The following NRXN3 variants were observed in gnomAD, a reference collection of about 807,000 sequenced individuals.
NRXN3 encodes neurexin III.
NRXN3 carries 32 observed loss-of-function variants against 137.6 expected under a neutral mutation model. The observed-to-expected ratio is 0.23, with a 90% CI of 0.18 to 0.31. NRXN3 has a LOEUF of 0.31. NRXN3 is among the 10% of genes least tolerant of loss of function. The pLI is 1.00. For missense variants in NRXN3, 1,574 were observed against 2,062.5 expected (o/e 0.76, Z 4.59); for synonymous variants, 798 against 784.5 (o/e 1.02, Z -0.29).
chr14:78,894,432 A>G (rs1006569310), intron 10 of NRXN3, among the ~76,000 whole-genome samples: 2 of 151,936 alleles, frequency 1.3e-5, no homozygotes, highest in African/African-American at 4.8e-5. Context: ...TTATCATGAG[A>G]TGGCAGCAAT....
intron 20 of NRXN3, among the ~76,000 whole-genome samples, chr14:79,808,203 C>G (rs2099216512): frequency 6.8e-6 from 1 of 148,098 alleles, no homozygotes; most frequent in African/African-American, 2.5e-5. Context: ...TGCCACTGCT[C>G]TCCAGCTTGG....
At chr14:78,791,410 G>C (rs756218830) in intron 8 of NRXN3, among the ~76,000 whole-genome samples, 16 of 152,122 alleles carry the variant, frequency 1.1e-4, no homozygotes, top group Non-Finnish European at 7.4e-5. Context: ...TTAGGAGCAA[G>C]ACAGAATTCT....
intron 10 of NRXN3, among the ~76,000 whole-genome samples, chr14:78,839,566 T>C (rs1334978738): frequency 1.3e-5 from 2 of 152,198 alleles, no homozygotes; most frequent in Non-Finnish European, 2.9e-5. Flanking sequence ...GATCCTGAGA[T>C]GGACTGCACA....
chr14:79,001,791 G>T (rs544677473), intron 15 of NRXN3, among the ~76,000 whole-genome samples: 1 of 152,250 alleles, frequency 6.6e-6, no homozygotes, highest in East Asian at 1.9e-4. Flanking sequence ...TGTGGCATTT[G>T]TCAATTAATA....
chr14:79,432,304 G>C (rs2095773194), intron 15 of NRXN3, among the ~76,000 whole-genome samples: 1 of 152,092 alleles, frequency 6.6e-6, no homozygotes, highest in Non-Finnish European at 1.5e-5. Flanking sequence ...ACCACTGCCA[G>C]TGATCCATGA....
chr14:79,805,230 C>A, intron 20 of NRXN3, 40 bp downstream of exon 20: 3 of 1,520,588 alleles, frequency 2.0e-6, no homozygotes, highest in Non-Finnish European at 2.7e-6. Context: ...TTTCTTTTTT[C>A]TTTTGCAAAA....
At chr14:78,825,223 A>G (rs1334020991) in intron 10 of NRXN3, among the ~76,000 whole-genome samples, 1 of 151,020 alleles carries the variant, frequency 6.6e-6, no homozygotes. Flanking sequence ...AAAAAGAAAA[A>G]GAAAAAGAAA....
intron 16 of NRXN3, among the ~76,000 whole-genome samples, chr14:79,654,756 A>G (rs1272723670): frequency 6.6e-6 from 1 of 152,320 alleles, no homozygotes; most frequent in East Asian, 1.9e-4. Flanking sequence ...AGAGAATGGT[A>G]TAGAATTTAG....
In NRXN3 at chr14:78,243,611, A is replaced by T. The variant is rs781163185; in HGVS notation, c.518A>T (p.Lys173Met). Residue 173 changes from lysine (K) to methionine (M), a missense_variant, in exon 2 of 21, where the codon AAG becomes ATG. Coordinates refer to ENST00000335750, the MANE Select transcript of NRXN3 (RefSeq NM_001330195.2). The surrounding 1 kb of genome is among the most constrained non-coding windows in gnomAD (Gnocchi z 4.2). ...LDGVQAMPGF[K>M]GLILDLKYGN... is the part of the protein sequence containing the mutation. ...GGAGTTCAGGCCATGCCCGGCTTCA[A>T]GGGGTTAATTCTGGATCTCAAGTAT... 1 of 1,598,440 alleles carries T rather than the reference A, an allele frequency of 6.3e-7. No homozygotes were observed. Among genetic ancestry groups the T allele is most frequent in the Non-Finnish European group, 8.5e-7 (1 of 1,179,816 alleles).
In NRXN3 at chr14:78,992,405, A is replaced by G. The variant is rs974785809; in HGVS notation, c.3262+4264A>G. The stretch of plus-strand genomic sequence containing the variant: ...CTTGGGCTACATTTTAAGAACAACA[A>G]AAGAAATGGAACCTTACAAAGGTTC... On this transcript the variant is annotated intron_variant, in intron 15 of 20. Coordinates refer to ENST00000335750, the MANE Select transcript of NRXN3 (RefSeq NM_001330195.2). Among the ~76,000 whole-genome samples, 4 of 152,174 alleles carry G rather than the reference A, an allele frequency of 2.6e-5. No individual in the cohort carries two copies. The South Asian group carries it at 6.2e-4, about 24-fold the overall frequency.
rs543880769 is a variant in NRXN3, at chr14:79,198,517, A to G, written c.3262+210376A>G. On this transcript the variant is annotated intron_variant, in intron 15 of 20. Coordinates refer to ENST00000335750, the MANE Select transcript of NRXN3 (RefSeq NM_001330195.2). ...ATATGATTTGCTTCATTAGACAGCTATGCCACAGCTGAACGATGTGCATTA... is the reference window on the plus strand; with the variant it reads ...ATATGATTTGCTTCATTAGACAGCTGTGCCACAGCTGAACGATGTGCATTA... 2.8e-4 allele frequency among the ~76,000 whole-genome samples: 43 copies of G among 152,362 alleles called. No individual in the cohort carries two copies. In the South Asian group the frequency reaches 8.5e-3, roughly 30 times the overall value.
chr14:78,385,935 TC>T (rs2089909491), intron 4 of NRXN3, among the ~76,000 whole-genome samples: 1 of 152,116 alleles, frequency 6.6e-6, no homozygotes, highest in Non-Finnish European at 1.5e-5. Context: ...ACCCTTTGAC[TC>T]CTGTGAAAAT....
chr14:78,580,917 T>G (rs2096987937), intron 4 of NRXN3, among the ~76,000 whole-genome samples: 1 of 152,208 alleles, frequency 6.6e-6, no homozygotes, highest in Admixed American at 6.5e-5. Flanking sequence ...AGGGGAAAAG[T>G]TATGCTTATC....
intron 10 of NRXN3, among the ~76,000 whole-genome samples, chr14:78,907,897 G>C (rs546846525): frequency 6.6e-6 from 1 of 152,110 alleles, no homozygotes; most frequent in Admixed American, 6.6e-5. Context: ...GTGGTATTTG[G>C]TTTTCTGTTC....
At chr14:78,219,511 T>C (rs1009716126) in intron 1 of NRXN3, among the ~76,000 whole-genome samples, 7 of 152,186 alleles carry the variant, frequency 4.6e-5, no homozygotes, top group Non-Finnish European at 7.3e-5. Flanking sequence ...TTAGAAGGCT[T>C]GGGTTTCATC....
intron 19 of NRXN3, among the ~76,000 whole-genome samples, chr14:79,749,655 G>A (rs1396917641): frequency 2.0e-5 from 3 of 151,992 alleles, no homozygotes; most frequent in South Asian, 2.1e-4. Context: ...TTTGCCTGTT[G>A]CCTCACATTG....
At chr14:79,712,381 T>C (rs2098807471) in intron 19 of NRXN3, among the ~76,000 whole-genome samples, 1 of 152,216 alleles carries the variant, frequency 6.6e-6, no homozygotes, top group South Asian at 2.1e-4. Flanking sequence ...CGCATTTCGA[T>C]TAAATAAATG....
chr14:78,857,936 C>A (rs1245658080), intron 10 of NRXN3, among the ~76,000 whole-genome samples: 1 of 152,150 alleles, frequency 6.6e-6, no homozygotes, highest in African/African-American at 2.4e-5. Context: ...TTAGGTTATA[C>A]CCTTATCCAA....
intron 17 of NRXN3, among the ~76,000 whole-genome samples, chr14:79,681,823 T>G (rs1219061380): frequency 6.6e-6 from 1 of 152,128 alleles, no homozygotes; most frequent in Non-Finnish European, 1.5e-5. Context: ...CTCGTAAATT[T>G]TCTCCTTCCA....
Sources: allele counts gnomAD v4.1 joint callset (sites outside exome capture counted in the v4.1 genomes callset), GRCh38; gene constraint gnomAD v4.1.1; non-coding constraint Gnocchi (gnomAD v3.1); transcripts MANE v1.5; gene names NCBI Gene and HGNC (gene_info 2026-07-23, HGNC 2026-07-21).